Variants in CCNJL observed in about 807,000 individuals in gnomAD.
The protein encoded by CCNJL is cyclin-J-like protein.
CCNJL carries 33 observed loss-of-function variants against 33.4 expected under a neutral mutation model. The observed-to-expected ratio is 0.99, with a 90% CI of 0.75 to 1.32. The LOEUF (loss-of-function observed/expected upper bound fraction) is 1.32, where lower values mean the gene tolerates loss of function less well. Among genes scored for constraint, CCNJL ranks in the 40% most tolerant of loss-of-function variants. The pLI, the probability that CCNJL is intolerant of heterozygous loss-of-function variation, is 0.00. For missense variants in CCNJL, 512 were observed against 499.7 expected (o/e 1.02, Z -0.23); for synonymous variants, 227 against 220.9 (o/e 1.03, Z -0.24).
chr5:160,303,293 T>A (rs1762981574), intron 2 of CCNJL, among the ~76,000 whole-genome samples: 1 of 152,060 alleles, frequency 6.6e-6, no homozygotes, highest in Non-Finnish European at 1.5e-5. Flanking sequence ...GCAACCTCCG[T>A]CTCCCGGGTT....
At chr5:160,317,448 C>T (rs933025947), upstream of CCNJL, among the ~76,000 whole-genome samples, 1 of 152,162 alleles carries the variant, frequency 6.6e-6, no homozygotes, top group Non-Finnish European at 1.5e-5. Flanking sequence ...TAAATGAAGT[C>T]CTTCAGGACA....
intron 2 of CCNJL, among the ~76,000 whole-genome samples, chr5:160,307,688 G>A (rs7708668): frequency 0.14 from 20,889 of 151,982 alleles, 1,457 homozygotes; most frequent in African/African-American, 0.16. Context: ...ACACGTAGCA[G>A]GCAAGAAACC....
chr5:160,266,548 C>T (rs1761596611), intron 3 of CCNJL, among the ~76,000 whole-genome samples: 1 of 152,176 alleles, frequency 6.6e-6, no homozygotes, highest in African/African-American at 2.4e-5. Context: ...CATCCTCACT[C>T]CTGGTATCAT....
intron 1 of CCNJL, among the ~76,000 whole-genome samples, chr5:160,333,695 C>A (rs891691744): frequency 6.6e-6 from 1 of 151,960 alleles, no homozygotes; most frequent in African/African-American, 2.4e-5. Context: ...TCCCCTTGTA[C>A]CAAGAGGACC....
Position 160,259,455 on chromosome 5 carries a change from G to A in CCNJL, c.583+14C>T. On this transcript the variant is annotated intron_variant, in intron 4 of 5. Transcript: ENST00000257536. ...AAGGGGTGGGAGGTCCTGCCATCGG[G>A]TCCCAGCTGTCACCTTGCAGGGTGA... 1.9e-6 allele frequency: 3 copies of A among 1,599,878 alleles called. No individual in the cohort carries two copies. The highest frequency in any genetic ancestry group is 2.6e-6 in the Non-Finnish European group (3 of 1,171,950).
chr5:160,318,048 C>T (rs1162563221), intron 1 of CCNJL, among the ~76,000 whole-genome samples: 3 of 150,272 alleles, frequency 2.0e-5, no homozygotes, highest in South Asian at 2.1e-4. Flanking sequence ...GATGGAGTCT[C>T]ACTCTGTTGC....
intron 3 of CCNJL, among the ~76,000 whole-genome samples, chr5:160,279,850 G>T (rs544574971): frequency 4.2e-4 from 64 of 152,220 alleles, no homozygotes; most frequent in Non-Finnish European, 7.5e-4. Context: ...ATGATGTTAA[G>T]TGGAAGGGTG....
At chr5:160,271,197 C>T (rs1761822076) in intron 3 of CCNJL, among the ~76,000 whole-genome samples, 1 of 152,218 alleles carries the variant, frequency 6.6e-6, no homozygotes, top group Admixed American at 6.5e-5. Flanking sequence ...TCAAAATCAA[C>T]CAAAGCTGCC....
intron 1 of CCNJL, chr5:160,326,958 A>AG (rs1472377819): frequency 1.7e-6 from 1 of 601,112 alleles, no homozygotes; most frequent in Admixed American, 1.9e-5. Context: ...CTCTGCTACG[A>AG]AGTTTCTCCA....
intron 1 of CCNJL, among the ~76,000 whole-genome samples, chr5:160,335,749 A>ATTT (rs70990725): frequency 1.4e-5 from 2 of 140,760 alleles, no homozygotes; most frequent in Non-Finnish European, 3.1e-5. Flanking sequence ...TTTTTTTGAA[A>ATTT]TTTTTTTTTT....
chr5:160,280,213 C>G (rs1762160122), intron 3 of CCNJL, among the ~76,000 whole-genome samples: 1 of 152,182 alleles, frequency 6.6e-6, no homozygotes, highest in Non-Finnish European at 1.5e-5. Context: ...CCATATACTA[C>G]CCGGGCAGCC....
In CCNJL at chr5:160,321,526, G is replaced by A. The variant is rs201374922; in HGVS notation, n.207-6021C>T. 2.9e-4 allele frequency among the ~76,000 whole-genome samples: 44 copies of A among 152,338 alleles called. No individual in the cohort carries two copies. In the East Asian group the frequency reaches 8.1e-3, roughly 28 times the overall value. ...AGTTCAAGAGCCAAGGATTACGGTC[G>A]CAGCCGCTCAGCTGAGGGGACTCAG... On this transcript the variant is annotated intron_variant and non_coding_transcript_variant, in intron 1 of 7. Coordinates refer to the CCNJL transcript ENST00000377503.
chr5:160,318,082 T>C (rs1763399627), intron 1 of CCNJL, among the ~76,000 whole-genome samples: 1 of 151,688 alleles, frequency 6.6e-6, no homozygotes, highest in Non-Finnish European at 1.5e-5. Context: ...AGTAGCACAA[T>C]CTCGGCTCAC....
At chr5:160,279,296 T>C (rs1207505981) in intron 3 of CCNJL, among the ~76,000 whole-genome samples, 1 of 152,158 alleles carries the variant, frequency 6.6e-6, no homozygotes, top group East Asian at 1.9e-4. Context: ...AATCTGACTG[T>C]CAAGGATAAA....
chr5:160,256,928 AAATTTTTTTTC>A (rs1260878673), intron 4 of CCNJL, among the ~76,000 whole-genome samples: 3 of 152,030 alleles, frequency 2.0e-5, no homozygotes, highest in African/African-American at 7.2e-5. Flanking sequence ...AAAAAAAAAA[AAATTTTTTTTC>A]ATGATTTTCA....
intron 2 of CCNJL, among the ~76,000 whole-genome samples, chr5:160,286,444 C>A (rs117415884): frequency 0.014 from 2,088 of 152,192 alleles, 24 homozygotes; most frequent in East Asian, 0.05. Flanking sequence ...TCAAGACCAG[C>A]CTGGTCGTCA....
intron 3 of CCNJL, among the ~76,000 whole-genome samples, chr5:160,271,502 C>T (rs1322389358): frequency 2.0e-5 from 3 of 152,182 alleles, no homozygotes; most frequent in Non-Finnish European, 4.4e-5. Context: ...GCAGTTTACA[C>T]AAAATCCCTC....
chr5:160,287,544 A>G (rs1319722368), intron 2 of CCNJL, among the ~76,000 whole-genome samples: 1 of 152,202 alleles, frequency 6.6e-6, no homozygotes, highest in Non-Finnish European at 1.5e-5. Context: ...CGCTAACCCA[A>G]TTAGGGGGTG....
intron 2 of CCNJL, among the ~76,000 whole-genome samples, chr5:160,309,940 T>C (rs946400663): frequency 6.6e-6 from 1 of 152,194 alleles, no homozygotes; most frequent in African/African-American, 2.4e-5. Flanking sequence ...CACTATGACA[T>C]GGCTATAGCA....
Sources: allele counts gnomAD v4.1 joint callset (sites outside exome capture counted in the v4.1 genomes callset), GRCh38; gene constraint gnomAD v4.1.1; transcripts MANE v1.5; gene names NCBI Gene and HGNC (gene_info 2026-07-23, HGNC 2026-07-21).